The following TPO variants were observed in gnomAD, a reference collection of about 807,000 sequenced individuals.
TPO encodes the protein thyroid peroxidase.
Under a neutral mutation model 96.9 loss-of-function variants are expected in TPO, and 78 were observed. That is an observed-to-expected ratio of 0.81 (90% CI 0.67 to 0.97). The LOEUF (loss-of-function observed/expected upper bound fraction) is 0.97, where lower values mean the gene tolerates loss of function less well. Among genes scored for constraint, TPO ranks in the 50% least tolerant of loss-of-function variants. The pLI is 0.00. For synonymous variants in TPO, 547 were observed against 538.0 expected, an observed-to-expected ratio of 1.02 and a Z score of -0.23; for missense variants, 1,252 against 1,274.8, an observed-to-expected ratio of 0.98 and a Z score of 0.27.
rs564640298 is a variant in TPO, at chr2:1,386,619, T to G, written n.180+12217T>G. ...CCTATGTGTGTCTCTGCATGTGAGATGGGTTTCCTGAATACAGCACACTGA... is the reference window on the plus strand; with the variant it reads ...CCTATGTGTGTCTCTGCATGTGAGAGGGGTTTCCTGAATACAGCACACTGA... On this transcript the variant is annotated intron_variant and non_coding_transcript_variant, in intron 1 of 5. Transcript: ENST00000497517. Among the ~76,000 whole-genome samples the G allele has an allele frequency of 2.6e-5, 4 of 152,304 alleles. No individual in the cohort carries two copies. In the East Asian group the frequency reaches 7.7e-4, roughly 29 times the overall value.
At chr2:1,529,195 C>A (rs1254255313) in intron 15 of TPO, among the ~76,000 whole-genome samples, 4 of 94,984 alleles carry the variant, frequency 4.2e-5, no homozygotes, top group East Asian at 8.6e-4. Flanking sequence ...CAAATCCCCC[C>A]CACTCTGTGC....
In TPO at chr2:1,487,939, C is replaced by G. The variant is rs1037201646; in HGVS notation, c.1716C>G (p.Thr572=). 3.7e-6 allele frequency: 6 copies of G among 1,614,124 alleles called. No individual in the cohort carries two copies. The highest frequency in any genetic ancestry group is 2.2e-5 in the East Asian group (1 of 44,880). The change falls in exon 10 of 17, where the codon ACC becomes ACG. Residue 572 remains threonine (T), a synonymous_variant. Transcript: ENST00000329066. The stretch of plus-strand genomic sequence containing the variant: ...TCTTTGTGCTGTCCAATTCCAGCAC[C>G]TTGGATCTGGCGTCCATCAACCTGC... ...ERLFVLSNSS[T]LDLASINLQR... is the part of the protein sequence containing the mutation.
chr2:1,507,234 T>G (rs1486298291), intron 14 of TPO, among the ~76,000 whole-genome samples: 1 of 152,190 alleles, frequency 6.6e-6, no homozygotes, highest in African/African-American at 2.4e-5. Flanking sequence ...TTCTGTTCCA[T>G]TGGTCTATAT....
intron 7 of TPO, among the ~76,000 whole-genome samples, chr2:1,458,159 A>G (rs1416788570): frequency 2.7e-5 from 4 of 147,502 alleles, no homozygotes; most frequent in Non-Finnish European, 4.5e-5. Context: ...TAGCGTGTGG[A>G]CACGTGTGTA....
chr2:1,423,433 A>C (rs966373551), intron 3 of TPO, among the ~76,000 whole-genome samples: 1 of 152,228 alleles, frequency 6.6e-6, no homozygotes, highest in African/African-American at 2.4e-5. Flanking sequence ...CTCCAGGATT[A>C]GGACAGATTA....
At chr2:1,528,351 G>C (rs1160086759) in intron 15 of TPO, among the ~76,000 whole-genome samples, 1 of 58,718 alleles carries the variant, frequency 1.7e-5, no homozygotes, top group Non-Finnish European at 3.1e-5. Flanking sequence ...AACCCCCCAA[G>C]TCCCCCCATT....
chr2:1,491,642 C>G, intron 10 of TPO, among the ~76,000 whole-genome samples: 1 of 152,202 alleles, frequency 6.6e-6, no homozygotes, highest in Non-Finnish European at 1.5e-5. Context: ...GTCCCCCAAG[C>G]CCTGTGGCAA....
chr2:1,475,572 C>G (rs1323515725), intron 7 of TPO, among the ~76,000 whole-genome samples: 1 of 151,994 alleles, frequency 6.6e-6, no homozygotes, highest in Non-Finnish European at 1.5e-5. Flanking sequence ...TACAGGTGCC[C>G]GCCACCGCGC....
intron 5 of TPO, among the ~76,000 whole-genome samples, chr2:1,446,921 C>A (rs1196268544): frequency 6.6e-6 from 1 of 152,152 alleles, no homozygotes; most frequent in Non-Finnish European, 1.5e-5. Flanking sequence ...TTACATGTCA[C>A]ATTTAGATCT....
intron 5 of TPO, 109 bp from the exon 6 acceptor site, chr2:1,453,585 C>G: frequency 1.3e-6 from 2 of 1,559,592 alleles, no homozygotes; most frequent in Non-Finnish European, 1.8e-6. Context: ...CTTGGGCCTC[C>G]GGAGAGACCC....
intron 15 of TPO, among the ~76,000 whole-genome samples, chr2:1,533,155 CCACT>C (rs1393276327): frequency 1.5e-5 from 2 of 131,858 alleles, no homozygotes; most frequent in African/African-American, 6.5e-5. Context: ...CCAAATCCCC[CCACT>C]GTGAGCAACC....
At chr2:1,458,760 T>C (rs888633503) in intron 7 of TPO, among the ~76,000 whole-genome samples, 1 of 152,232 alleles carries the variant, frequency 6.6e-6, no homozygotes, top group Non-Finnish European at 1.5e-5. Flanking sequence ...ATAGTTCTTA[T>C]ACATGTCTGC....
At position 1,493,819 on chromosome 2, in the gene TPO, G is replaced by T. The variant is rs749174434; in HGVS notation, c.1786G>T (p.Glu596Ter). ...HGLPGYNEWR[E>*]FCGLPRLETP... ...CTGTGCAGGTTACAATGAGTGGAGG[G>T]AGTTCTGCGGCCTGCCTCGCCTGGA... Residue 596 changes from glutamate (E) to a stop codon, truncating the protein, a stop_gained, in exon 11 of 17, where the codon GAG (glutamate) becomes TAG (stop). Transcript: ENST00000329066. LOFTEE classifies it high-confidence loss of function. 37 of 1,614,142 alleles carry T rather than the reference G, an allele frequency of 2.3e-5. No individual in the cohort carries two copies. The South Asian group carries it at 4.1e-4, about 18-fold the overall frequency.
At chr2:1,487,125 G>T (rs898520292) in intron 9 of TPO, among the ~76,000 whole-genome samples, 4 of 152,220 alleles carry the variant, frequency 2.6e-5, no homozygotes, top group Non-Finnish European at 5.9e-5. Flanking sequence ...CAGGAACAGT[G>T]GTCCCCAGGC....
upstream of TPO, among the ~76,000 whole-genome samples, chr2:1,411,154 C>G (rs1373413109): frequency 6.6e-6 from 1 of 152,190 alleles, no homozygotes; most frequent in Non-Finnish European, 1.5e-5. Context: ...TCTCCGCTCC[C>G]CTCTCAACAT....
At chr2:1,493,209 T>TGGGTG (rs1553321277) in intron 10 of TPO, among the ~76,000 whole-genome samples, 1 of 17,534 alleles carries the variant, frequency 5.7e-5, no homozygotes, top group Non-Finnish European at 1.4e-4. Flanking sequence ...TGTGAGTGGG[T>TGGGTG]GGGGGGGGGG....
At chr2:1,375,662 C>G (rs991714749) in intron 1 of TPO, among the ~76,000 whole-genome samples, 4 of 152,048 alleles carry the variant, frequency 2.6e-5, no homozygotes, top group African/African-American at 9.7e-5. Context: ...GACGCGGGTC[C>G]CAAGCTTAAC....
intron 14 of TPO, chr2:1,512,244 T>C (rs1249357723): frequency 3.6e-6 from 1 of 278,418 alleles, no homozygotes; most frequent in Non-Finnish European, 5.4e-6. Context: ...TTCACCATGT[T>C]AGCCAGGATG....
chr2:1,505,788 C>CT (rs969326684), intron 14 of TPO, among the ~76,000 whole-genome samples: 2 of 151,198 alleles, frequency 1.3e-5, no homozygotes, highest in African/African-American at 4.9e-5. Flanking sequence ...TGTGTCCATG[C>CT]AAAGGAACCA....
Sources: gnomAD v4.1 joint callset for allele counts (sites outside exome capture counted in the v4.1 genomes callset) on GRCh38, gnomAD v4.1.1 for gene constraint, MANE v1.5 for transcripts, NCBI Gene and HGNC (gene_info 2026-07-23, HGNC 2026-07-21) for gene names.